Variants in ZDHHC21 observed in about 807,000 individuals in gnomAD.
ZDHHC21 encodes palmitoyltransferase ZDHHC21.
ZDHHC21 carries 15 observed loss-of-function variants against 34.6 expected under a neutral mutation model. The observed-to-expected ratio is 0.43, with a 90% CI of 0.29 to 0.67. The LOEUF (loss-of-function observed/expected upper bound fraction) is 0.67, where lower values mean the gene tolerates loss of function less well. Among genes scored for constraint, ZDHHC21 ranks in the 30% least tolerant of loss-of-function variants. The pLI is 0.14. For missense variants in ZDHHC21, 344 were observed against 327.7 expected (o/e 1.05, Z -0.38); for synonymous variants, 142 against 101.8 (o/e 1.40, Z -2.38).
At chr9:14,671,507 C>T (rs749238063) in intron 5 of ZDHHC21, among the ~76,000 whole-genome samples, 1 of 152,016 alleles carries the variant, frequency 6.6e-6, no homozygotes, top group Non-Finnish European at 1.5e-5. Flanking sequence ...GAGGATCAAA[C>T]TAAAACTATG....
intron 5 of ZDHHC21, among the ~76,000 whole-genome samples, chr9:14,668,571 T>C (rs1834906175): frequency 1.3e-5 from 2 of 150,704 alleles, no homozygotes; most frequent in South Asian, 4.2e-4. Context: ...AGAACAAAGC[T>C]GGAGGAATCA....
the ZDHHC21 span, chr9:14,589,103 T>A: frequency 1.3e-5 from 2 of 152,138 alleles, no homozygotes; most frequent in East Asian, 1.9e-4. Context: ...GCAGCACACA[T>A]TCATAAAGCA....
At chr9:14,640,467 A>G (rs1350628222) in intron 7 of ZDHHC21, among the ~76,000 whole-genome samples, 3 of 152,156 alleles carry the variant, frequency 2.0e-5, no homozygotes, top group African/African-American at 4.8e-5. Context: ...TCAAGTGACC[A>G]AGATATCTAG....
At chr9:14,606,442 G>C (rs1466533943), downstream of ZDHHC21, among the ~76,000 whole-genome samples, 1 of 152,154 alleles carries the variant, frequency 6.6e-6, no homozygotes, top group Non-Finnish European at 1.5e-5. Context: ...TGAGTTCTCA[G>C]CTGACAGCCA....
At chr9:14,594,529 C>A in the ZDHHC21 span, among the ~76,000 whole-genome samples, 1 of 152,022 alleles carries the variant, frequency 6.6e-6, no homozygotes, top group Admixed American at 6.6e-5. Flanking sequence ...AAACTTAGAC[C>A]CTCACTTCAC....
At chr9:14,688,064 G>T (rs1838609756) in intron 2 of ZDHHC21, among the ~76,000 whole-genome samples, 1 of 150,540 alleles carries the variant, frequency 6.6e-6, no homozygotes, top group Admixed American at 6.6e-5. Context: ...TTGCCAATTA[G>T]GAATTCAATT....
At chr9:14,692,475 G>A (rs956048025) in intron 1 of ZDHHC21, among the ~76,000 whole-genome samples, 1 of 151,984 alleles carries the variant, frequency 6.6e-6, no homozygotes, top group South Asian at 2.1e-4. Context: ...TTTAGAGACT[G>A]CTATATTGCA....
the ZDHHC21 span, among the ~76,000 whole-genome samples, chr9:14,605,903 C>T: frequency 6.6e-6 from 1 of 151,994 alleles, no homozygotes; most frequent in African/African-American, 2.4e-5. Context: ...ATGTACAAAA[C>T]ATTGAAGTTT....
chr9:14,672,507 G>A (rs983804444), intron 5 of ZDHHC21, among the ~76,000 whole-genome samples: 5 of 151,844 alleles, frequency 3.3e-5, no homozygotes, highest in East Asian at 1.9e-4. Flanking sequence ...GGGCTGGATC[G>A]CACACCAACA....
At chr9:14,671,275 A>G (rs964084914) in intron 5 of ZDHHC21, among the ~76,000 whole-genome samples, 10 of 152,072 alleles carry the variant, frequency 6.6e-5, no homozygotes, top group African/African-American at 2.4e-4. Flanking sequence ...CACCTTCTAC[A>G]TGAGTCTTTT....
chr9:14,615,885 G>GT lies in ZDHHC21; in HGVS notation c.*3080dup, dbSNP rs1169289910. On this transcript the variant is annotated 3_prime_UTR_variant, in exon 10 of 10. Coordinates refer to ENST00000380916, the MANE Select transcript of ZDHHC21 (RefSeq NM_178566.6). The stretch of plus-strand genomic sequence containing the variant: ...AGAATGTTTATAAAGAAATACTTCA[G>GT]TCCAACATACATATTACATCAGTAA... 2.0e-5 allele frequency: 3 copies of GT among 151,584 alleles called. No individual in the cohort carries two copies. The highest frequency in any genetic ancestry group is 7.3e-5 in the African/African-American group (3 of 41,352). The allele number at this position is 151,584 out of a possible 1,614,324, so 9.4% of individuals were successfully genotyped here. A position where few individuals can be genotyped will look rare whatever the true frequency, so the allele number is the denominator to read the frequency against.
intron 7 of ZDHHC21, among the ~76,000 whole-genome samples, chr9:14,652,172 C>T (rs1325456315): frequency 3.3e-5 from 5 of 151,850 alleles, no homozygotes; most frequent in Admixed American, 2.0e-4. Context: ...AAAACTATTA[C>T]TCAAGTTTCT....
intron 2 of ZDHHC21, among the ~76,000 whole-genome samples, chr9:14,686,900 G>C (rs776603151): frequency 1.3e-5 from 2 of 149,570 alleles, no homozygotes; most frequent in Non-Finnish European, 2.9e-5. Flanking sequence ...TTCAACCCAA[G>C]AGGCAGAGGT....
the ZDHHC21 span, among the ~76,000 whole-genome samples, chr9:14,597,925 C>A: frequency 6.6e-6 from 1 of 152,140 alleles, no homozygotes. Context: ...ACATGCCCTC[C>A]CCCTCCACAC....
intron 6 of ZDHHC21, among the ~76,000 whole-genome samples, chr9:14,659,528 C>A (rs1832966456): frequency 6.6e-6 from 1 of 152,130 alleles, no homozygotes; most frequent in African/African-American, 2.4e-5. Context: ...CTAATTTAAG[C>A]TGAATATTTT....
chr9:14,683,104 C>T (rs546116497), intron 2 of ZDHHC21, among the ~76,000 whole-genome samples: 84 of 151,872 alleles, frequency 5.5e-4, no homozygotes, highest in African/African-American at 2.0e-3. Flanking sequence ...AAATTGACAC[C>T]CTAACATCAC....
chr9:14,663,493 A>ATTT (rs35050957), intron 5 of ZDHHC21, among the ~76,000 whole-genome samples: 7 of 136,684 alleles, frequency 5.1e-5, no homozygotes, highest in African/African-American at 1.9e-4. Context: ...CAGATTACAG[A>ATTT]TTTTTTTTTT....
chr9:14,633,181 T>A (rs1182310648), intron 8 of ZDHHC21, among the ~76,000 whole-genome samples: 1 of 152,172 alleles, frequency 6.6e-6, no homozygotes, highest in African/African-American at 2.4e-5. Context: ...AGTGAGTAGA[T>A]AATCACACGT....
rs1362506698 is a variant in ZDHHC21 at position 14,618,164 on chromosome 9, T to G, written c.*802A>C. 1.3e-5 allele frequency: 2 copies of G among 152,514 alleles called. No homozygotes were observed. Among genetic ancestry groups the G allele is most frequent in the Non-Finnish European group, 2.9e-5 (2 of 67,980 alleles). 9.4% of individuals were successfully genotyped at this position (152,514 alleles called of 1,614,324 possible). ...CAAATTCTCTCCCCTTTTTGCTCAT[T>G]AAAATCTTAGGATAAAATAGGAATA... is the stretch of plus-strand genomic sequence containing the variant. On this transcript the variant is annotated 3_prime_UTR_variant, in exon 10 of 10. Coordinates refer to ENST00000380916, the MANE Select transcript of ZDHHC21 (RefSeq NM_178566.6).
Sources: gnomAD v4.1 joint callset for allele counts (sites outside exome capture counted in the v4.1 genomes callset) on GRCh38, gnomAD v4.1.1 for gene constraint, MANE v1.5 for transcripts, NCBI Gene and HGNC (gene_info 2026-07-23, HGNC 2026-07-21) for gene names.